The following PCDHA3 variants were observed in gnomAD, a reference collection of about 807,000 sequenced individuals.
PCDHA3 encodes the protein protocadherin alpha 3, also known as protocadherin alpha-3.
A neutral mutation model predicts 62.2 loss-of-function variants in PCDHA3; 41 were observed. The ratio of observed to expected loss-of-function variants is 0.66; its 90% confidence interval spans 0.51 to 0.86. The LOEUF is 0.86. PCDHA3 is among the 40% of genes least tolerant of loss of function. The pLI is 0.00. For missense variants in PCDHA3, 1,304 were observed against 1,241.2 expected (o/e 1.05, Z -0.76); for synonymous variants, 640 against 555.4 (o/e 1.15, Z -2.14).
chr5:140,886,458 T>G (rs888629917), intron 1 of PCDHA3, among the ~76,000 whole-genome samples: 1 of 152,174 alleles, frequency 6.6e-6, no homozygotes, highest in Non-Finnish European at 1.5e-5. Flanking sequence ...TTGTCATATA[T>G]AAATGTTTTT....
chr5:140,982,014 C>A (rs546904836), intron 2 of PCDHA3, among the ~76,000 whole-genome samples: 1 of 152,152 alleles, frequency 6.6e-6, no homozygotes, highest in Admixed American at 6.5e-5. Context: ...AATTAGATAG[C>A]CAAATTGGAA....
At chr5:140,915,273 A>C (rs2077054431) in intron 1 of PCDHA3, among the ~76,000 whole-genome samples, 1 of 152,090 alleles carries the variant, frequency 6.6e-6, no homozygotes, top group South Asian at 2.1e-4. Flanking sequence ...TGACCAGTTC[A>C]TCATTTACTC....
At position 140,835,207 on chromosome 5, in the gene PCDHA3, G is replaced by A. The variant is rs2150231838; in HGVS notation, c.2394+31616G>A. The A allele has an allele frequency of 5.0e-5, 79 of 1,567,382 alleles. No individual in the cohort carries two copies. Among genetic ancestry groups the A allele is most frequent in the Non-Finnish European group, 6.5e-5 (75 of 1,153,980 alleles). On this transcript the variant is annotated intron_variant, in intron 1 of 3. Coordinates refer to ENST00000522353, the MANE Select transcript of PCDHA3 (RefSeq NM_018906.3). Reference sequence around the variant, plus strand: ...TCAGATTTAGACGAAGGCTTGAATGGGGATATTATTTACTCCTTCTCCAGT... The same window carrying A: ...TCAGATTTAGACGAAGGCTTGAATGAGGATATTATTTACTCCTTCTCCAGT...
At chr5:140,858,414 T>C (rs2045398069) in intron 1 of PCDHA3, 1 of 1,562,782 alleles carries the variant, frequency 6.4e-7, no homozygotes. Flanking sequence ...GATCAGTCTA[T>C]TGGAGGGGAC....
intron 3 of PCDHA3, among the ~76,000 whole-genome samples, chr5:141,007,907 A>G (rs1402621923): frequency 6.6e-6 from 1 of 152,186 alleles, no homozygotes; most frequent in Non-Finnish European, 1.5e-5. Flanking sequence ...TTCTTTGTTG[A>G]AGATGCTATA....
At chr5:140,869,669 T>C (rs1461591468) in intron 1 of PCDHA3, 49 of 1,613,358 alleles carry the variant, frequency 3.0e-5, no homozygotes, top group Non-Finnish European at 4.1e-5. Context: ...GGTAAGCAGA[T>C]TAAAAGACTG....
At chr5:140,999,858 C>G (rs1563644401) in intron 3 of PCDHA3, among the ~76,000 whole-genome samples, 3 of 152,170 alleles carry the variant, frequency 2.0e-5, no homozygotes. Context: ...CTCTTCCGCT[C>G]CAAGATTACT....
At chr5:140,850,001 C>T in intron 1 of PCDHA3, 1 of 1,597,070 alleles carries the variant, frequency 6.3e-7, no homozygotes, top group Non-Finnish European at 8.6e-7. Flanking sequence ...TGGGCGAGCG[C>T]TCGCTGTCGA....
chr5:140,950,435 A>T (rs2094483371), intron 1 of PCDHA3, among the ~76,000 whole-genome samples: 1 of 152,038 alleles, frequency 6.6e-6, no homozygotes, highest in Non-Finnish European at 1.5e-5. Flanking sequence ...CACTTAAAAA[A>T]AATGTTATTC....
intron 1 of PCDHA3, chr5:140,805,356 T>C (rs1191044616): frequency 1.7e-6 from 2 of 1,198,462 alleles, no homozygotes; most frequent in African/African-American, 3.2e-5. Flanking sequence ...AAAAATATAG[T>C]TTGGGTCCCC....
At chr5:140,931,935 G>A (rs1456832226) in intron 1 of PCDHA3, among the ~76,000 whole-genome samples, 2 of 151,826 alleles carry the variant, frequency 1.3e-5, no homozygotes, top group East Asian at 1.9e-4. Context: ...ATTATAATGT[G>A]TGTCTGAGTC....
intron 1 of PCDHA3, chr5:140,850,913 T>G: frequency 6.5e-7 from 1 of 1,539,368 alleles, no homozygotes; most frequent in East Asian, 2.3e-5. Flanking sequence ...GCATTTTATT[T>G]ATTTATATAA....
chr5:140,807,641 T>C, intron 1 of PCDHA3: 1 of 1,614,114 alleles, frequency 6.2e-7, no homozygotes, highest in Non-Finnish European at 8.5e-7. Flanking sequence ...TGACTCTCGG[T>C]TTCCACTAGA....
intron 1 of PCDHA3, chr5:140,813,264 A>C (rs1765257660): frequency 6.6e-6 from 1 of 152,168 alleles, no homozygotes; most frequent in African/African-American, 2.4e-5. Context: ...CAGTCATTGG[A>C]GATACATTCT....
rs782119738 is a variant in PCDHA3, at chr5:140,927,224, G to A, written c.2395-51725G>A. ...GACCCGCTGGAGCTGCACAAGATTC[G>A]GATTCACGTCCTGGACACCAATGAC... On this transcript the variant is annotated intron_variant, in intron 1 of 3. Coordinates refer to ENST00000522353, the MANE Select transcript of PCDHA3 (RefSeq NM_018906.3). 3 of 1,614,072 alleles carry A rather than the reference G, an allele frequency of 1.9e-6. No homozygotes were observed. The South Asian group carries it at 3.3e-5, about 18-fold the overall frequency.
At chr5:140,908,234 C>T (rs1262299431) in intron 1 of PCDHA3, among the ~76,000 whole-genome samples, 5 of 152,184 alleles carry the variant, frequency 3.3e-5, no homozygotes, top group Non-Finnish European at 7.3e-5. Context: ...CCTTAGTCTT[C>T]TCTTCCTCAT....
At chr5:140,834,834 C>T in intron 1 of PCDHA3, 1 of 1,611,930 alleles carries the variant, frequency 6.2e-7, no homozygotes, top group Non-Finnish European at 8.5e-7. Context: ...GCTTGACTCT[C>T]GGTTTCCACT....
rs369562052 is a variant in PCDHA3, at chr5:140,877,058, A to G, written c.2394+73467A>G. On this transcript the variant is annotated intron_variant, in intron 1 of 3. Transcript: ENST00000522353. Reference sequence around the variant, plus strand: ...CAGCCGCTAGACCACGAGGAGCTGGAGCTGCTGCAGTTCCAGGTGAGCGCG... The same window carrying G: ...CAGCCGCTAGACCACGAGGAGCTGGGGCTGCTGCAGTTCCAGGTGAGCGCG... The G allele has an allele frequency of 1.9e-6, 3 of 1,612,726 alleles. No homozygotes were observed. The African/African-American group carries it at 4.0e-5, about 22-fold the overall frequency.
intron 1 of PCDHA3, among the ~76,000 whole-genome samples, chr5:140,925,786 T>C (rs2082719026): frequency 1.3e-5 from 2 of 152,144 alleles, no homozygotes; most frequent in African/African-American, 4.8e-5. Context: ...CTAATGAGTA[T>C]CTCAGTACTT....
Sources: allele counts gnomAD v4.1 joint callset (sites outside exome capture counted in the v4.1 genomes callset), GRCh38; gene constraint gnomAD v4.1.1; transcripts MANE v1.5; gene names NCBI Gene and HGNC (gene_info 2026-07-23, HGNC 2026-07-21).